ADAMTS12: variants seen among roughly 807,000 people sequenced by gnomAD.
ADAMTS12 encodes ADAM metallopeptidase with thrombospondin type 1 motif 12.
ADAMTS12 carries 118 observed loss-of-function variants against 167.8 expected under a neutral mutation model. The ratio of observed to expected loss-of-function variants is 0.70; its 90% CI spans 0.61 to 0.82. The LOEUF (loss-of-function observed/expected upper bound fraction) is 0.82, where lower values mean the gene tolerates loss of function less well. ADAMTS12 is among the 40% of genes least tolerant of loss of function. The pLI is 0.00. For missense variants in ADAMTS12, 1,916 were observed against 1,998.8 expected (o/e 0.96, Z 0.79); for synonymous variants, 704 against 716.9 (o/e 0.98, Z 0.29).
At chr5:33,763,081 T>C (rs373123620) in intron 2 of ADAMTS12, among the ~76,000 whole-genome samples, 1 of 152,300 alleles carries the variant, frequency 6.6e-6, no homozygotes, top group African/African-American at 2.4e-5. Flanking sequence ...AGGGGACTGT[T>C]GAAGTTTGAG....
At chr5:33,791,182 A>C (rs554777581) in intron 2 of ADAMTS12, among the ~76,000 whole-genome samples, 5 of 152,210 alleles carry the variant, frequency 3.3e-5, no homozygotes, top group Non-Finnish European at 7.4e-5. Flanking sequence ...GACTCTCAGC[A>C]AGAATTAGAT....
chr5:33,873,454 A>G (rs952244459), intron 2 of ADAMTS12, among the ~76,000 whole-genome samples: 3 of 152,222 alleles, frequency 2.0e-5, no homozygotes, highest in Non-Finnish European at 4.4e-5. Flanking sequence ...ATGCTAATGG[A>G]TAGGAAGATT....
chr5:33,637,478 T>G lies in ADAMTS12; in HGVS notation c.1888+99A>C, dbSNP rs1304518582. The G allele has an allele frequency of 5.5e-6, 7 of 1,267,090 alleles. No homozygotes were observed. The East Asian group carries it at 1.7e-4, about 31-fold the overall frequency. 78.5% of individuals were successfully genotyped at this position (1,267,090 alleles called of 1,614,324 possible). A position where few individuals can be genotyped will look rare whatever the true frequency, so the allele number is the denominator to read the frequency against. On this transcript the variant is annotated intron_variant, in intron 12 of 23. Transcript: ENST00000504830. Reference sequence around the variant, plus strand: ...AAAATTCCTGGTGTACAATTGTCTTTGTTAAGCTTTGTGTGGATCACAGAA... The same window carrying G: ...AAAATTCCTGGTGTACAATTGTCTTGGTTAAGCTTTGTGTGGATCACAGAA...
intron 19 of ADAMTS12, among the ~76,000 whole-genome samples, chr5:33,568,961 G>A (rs1048715280): frequency 6.6e-6 from 1 of 152,270 alleles, no homozygotes; most frequent in African/African-American, 2.4e-5. Flanking sequence ...CTGCCTTGGA[G>A]GGTCCTACGC....
chr5:33,556,915 T>C (rs1036948481), intron 20 of ADAMTS12, among the ~76,000 whole-genome samples: 1 of 152,206 alleles, frequency 6.6e-6, no homozygotes, highest in African/African-American at 2.4e-5. Context: ...AATAAAATAA[T>C]CTTTCACCAG....
rs142456488 is a variant in ADAMTS12 at position 33,748,380 on chromosome 5, C to T, written c.634+3024G>A. 8.0e-4 allele frequency among the ~76,000 whole-genome samples: 122 copies of T among 152,258 alleles called. 1 individual carries two copies. The highest frequency in any genetic ancestry group is 2.8e-3 in the African/African-American group (116 of 41,556). On this transcript the variant is annotated intron_variant, in intron 3 of 23. Transcript: ENST00000504830. ...AGAGGAAACAAGAATTGCAGCAGGG[C>T]TTAGCAAACATAAGGCTTAGAAAAG... is the stretch of plus-strand genomic sequence containing the variant.
At chr5:33,560,260 T>C (rs1745673877) in intron 20 of ADAMTS12, among the ~76,000 whole-genome samples, 2 of 152,228 alleles carry the variant, frequency 1.3e-5, no homozygotes, top group South Asian at 4.1e-4. Context: ...CATGATTTGC[T>C]CATCCCTGAT....
At chr5:33,633,578 T>A (rs1362868556) in intron 12 of ADAMTS12, among the ~76,000 whole-genome samples, 2 of 152,096 alleles carry the variant, frequency 1.3e-5, no homozygotes, top group African/African-American at 4.8e-5. Context: ...GGTTCAGTGC[T>A]ATTCAAGGCT....
intron 12 of ADAMTS12, 91 bp from the exon 13 acceptor site, chr5:33,631,004 G>A: frequency 2.0e-6 from 3 of 1,474,600 alleles, no homozygotes; most frequent in Non-Finnish European, 2.8e-6. Flanking sequence ...ACCCCCAAGT[G>A]TCATTTACTC....
intron 3 of ADAMTS12, among the ~76,000 whole-genome samples, chr5:33,740,817 A>T (rs755024360): frequency 1.1e-4 from 16 of 152,224 alleles, no homozygotes; most frequent in Admixed American, 2.6e-4. Context: ...GGGGCCAGGG[A>T]GAAAGTGACA....
rs199794687 is a variant in ADAMTS12, at chr5:33,641,811, C to T, written c.1717G>A (p.Glu573Lys). ...QSAERLCNNPEPKFGGKYCTG... is the reference protein window; with the variant it reads ...QSAERLCNNPKPKFGGKYCTG... ...GGAAATATATTTATCTGGACTCACT[C>T]GGGGTTGTTGCAGAGCCTCTCTGCG... Residue 573 changes from glutamate (E) to lysine (K), a missense_variant and splice_region_variant, in exon 11 of 24, where the codon GAG (glutamate) becomes AAG (lysine). Coordinates refer to ENST00000504830, the MANE Select transcript of ADAMTS12 (RefSeq NM_030955.4). 78 of 1,607,728 alleles carry T rather than the reference C, an allele frequency of 4.9e-5. No homozygotes were observed. The highest frequency in any genetic ancestry group is 1.7e-4 in the Middle Eastern group (1 of 6,026).
chr5:33,836,368 C>T (rs1387830457), intron 2 of ADAMTS12, among the ~76,000 whole-genome samples: 1 of 152,142 alleles, frequency 6.6e-6, no homozygotes, highest in Non-Finnish European at 1.5e-5. Context: ...CATGCAAATG[C>T]CAGCTAGACA....
chr5:33,790,782 C>CATATAT (rs10622464), intron 2 of ADAMTS12, among the ~76,000 whole-genome samples: 1,897 of 133,936 alleles, frequency 0.014, 22 homozygotes, highest in African/African-American at 0.033. Flanking sequence ...GACATACAAA[C>CATATAT]ATATATATAT....
intron 20 of ADAMTS12, among the ~76,000 whole-genome samples, chr5:33,553,414 C>T (rs1745344688): frequency 6.6e-6 from 1 of 152,168 alleles, no homozygotes; most frequent in Non-Finnish European, 1.5e-5. Context: ...CACATGTACG[C>T]ATATGTTCAT....
rs562660212 is a variant in ADAMTS12, at chr5:33,641,101, G to A, written c.1718+709C>T. 6.6e-5 allele frequency among the ~76,000 whole-genome samples: 10 copies of A among 151,962 alleles called. No individual in the cohort carries two copies. The South Asian group carries it at 1.9e-3, about 28-fold the overall frequency. On this transcript the variant is annotated intron_variant, in intron 11 of 23. Coordinates refer to ENST00000504830, the MANE Select transcript of ADAMTS12 (RefSeq NM_030955.4). ...TATACACTTTTAAGAAATTACTTGGGAGACAGTATATCAGAAAATAATGAA... is the reference window on the plus strand; with the variant it reads ...TATACACTTTTAAGAAATTACTTGGAAGACAGTATATCAGAAAATAATGAA...
intron 2 of ADAMTS12, among the ~76,000 whole-genome samples, chr5:33,811,753 T>C (rs1206951841): frequency 2.0e-5 from 3 of 152,090 alleles, no homozygotes; most frequent in Non-Finnish European, 4.4e-5. Flanking sequence ...GCACCAAGAA[T>C]AGCCTGTAGG....
intron 2 of ADAMTS12, among the ~76,000 whole-genome samples, chr5:33,806,834 C>T (rs930696702): frequency 3.3e-5 from 5 of 152,306 alleles, no homozygotes; most frequent in South Asian, 2.1e-4. Flanking sequence ...TTTCTCCTGA[C>T]GACGGCTGTC....
At chr5:33,612,778 G>A (rs1689738107) in intron 16 of ADAMTS12, among the ~76,000 whole-genome samples, 1 of 152,186 alleles carries the variant, frequency 6.6e-6, no homozygotes, top group African/African-American at 2.4e-5. Context: ...AAATGCTAGA[G>A]GCAGTGGTAG....
intron 5 of ADAMTS12, among the ~76,000 whole-genome samples, chr5:33,674,832 C>A (rs917296182): frequency 6.6e-6 from 1 of 152,124 alleles, no homozygotes; most frequent in Non-Finnish European, 1.5e-5. Context: ...GGTAAAATCT[C>A]AGATTGCTAT....
Sources: gnomAD v4.1 joint callset for allele counts (sites outside exome capture counted in the v4.1 genomes callset) on GRCh38, gnomAD v4.1.1 for gene constraint, MANE v1.5 for transcripts, NCBI Gene and HGNC (gene_info 2026-07-23, HGNC 2026-07-21) for gene names.